TRAPPC9: variants seen among roughly 807,000 people sequenced by gnomAD.
TRAPPC9 encodes IKK2 binding protein.
TRAPPC9 carries 83 observed loss-of-function variants against 124.0 expected under a neutral mutation model. That is an observed-to-expected ratio of 0.67 (90% CI 0.56 to 0.80). The LOEUF (loss-of-function observed/expected upper bound fraction) is 0.80. Among genes scored for constraint, TRAPPC9 ranks in the 30% least tolerant of loss-of-function variants. The probability of loss-of-function intolerance (pLI) is 0.00; values close to 1 mark genes in which losing one functional copy is unlikely to be tolerated. For missense variants in TRAPPC9, 1,302 were observed against 1,508.3 expected (o/e 0.86, Z 2.27); for synonymous variants, 638 against 617.5 (o/e 1.03, Z -0.49).
At chr8:140,243,302 A>G (rs1371675324) in intron 16 of TRAPPC9, among the ~76,000 whole-genome samples, 2 of 152,240 alleles carry the variant, frequency 1.3e-5, no homozygotes, top group Non-Finnish European at 2.9e-5. Context: ...TTCCTCTACA[A>G]CGAAACAGAT....
chr8:139,948,931 G>C (rs368635538), intron 19 of TRAPPC9, among the ~76,000 whole-genome samples: 14 of 152,250 alleles, frequency 9.2e-5, no homozygotes, highest in African/African-American at 2.4e-4. Flanking sequence ...ACAAGAACTA[G>C]CTAGTGTGGT....
In TRAPPC9 at chr8:140,373,318, G is replaced by C. The variant is rs551707188; in HGVS notation, c.1135-2138C>G. On this transcript the variant is annotated intron_variant, in intron 7 of 22. Coordinates refer to ENST00000438773, the MANE Select transcript of TRAPPC9 (RefSeq NM_001160372.4). ...TTGACATAGAATCATGGGTGGAAGC[G>C]TATGAGGCAGGCTGTACTAGGTGAC... Among the ~76,000 whole-genome samples the C allele has an allele frequency of 2.6e-4, 40 of 152,328 alleles. No homozygotes were observed. The South Asian group carries it at 7.3e-3, about 28-fold the overall frequency.
chr8:139,865,880 G>A (rs1169223604), intron 21 of TRAPPC9, among the ~76,000 whole-genome samples: 1 of 152,232 alleles, frequency 6.6e-6, no homozygotes, highest in Non-Finnish European at 1.5e-5. Context: ...AGGAGGTCCT[G>A]AGAACATGTG....
chr8:140,214,521 T>C (rs2063144109), intron 17 of TRAPPC9, among the ~76,000 whole-genome samples: 1 of 152,242 alleles, frequency 6.6e-6, no homozygotes, highest in Admixed American at 6.5e-5. Context: ...GAAGTTCCAA[T>C]GAATTATTTC....
chr8:140,121,086 G>T (rs2130610792), intron 17 of TRAPPC9, among the ~76,000 whole-genome samples: 1 of 152,344 alleles, frequency 6.6e-6, no homozygotes, highest in East Asian at 1.9e-4. Context: ...CAAGATGTTG[G>T]GTTCTCTAAG....
intron 17 of TRAPPC9, among the ~76,000 whole-genome samples, chr8:140,184,868 C>T (rs1205330392): frequency 6.6e-6 from 1 of 152,218 alleles, no homozygotes; most frequent in Non-Finnish European, 1.5e-5. Context: ...GCGCCCACCA[C>T]CCTCTCCTGT....
intron 17 of TRAPPC9, among the ~76,000 whole-genome samples, chr8:140,067,201 T>C (rs1290323781): frequency 6.6e-6 from 1 of 152,174 alleles, no homozygotes; most frequent in East Asian, 1.9e-4. Context: ...TGGAGTGCAA[T>C]GGCGCAGTCT....
chr8:139,927,432 G>C (rs987449081), intron 19 of TRAPPC9, among the ~76,000 whole-genome samples: 3 of 152,104 alleles, frequency 2.0e-5, no homozygotes, highest in African/African-American at 7.2e-5. Flanking sequence ...TTTTAGTAGA[G>C]ATGAGTTCTC....
At position 139,973,413 on chromosome 8, in the gene TRAPPC9, G is replaced by T. The variant is rs936155091; in HGVS notation, c.2810+15313C>A. ...TCCAGTCCTGGATGAAAACCACAGG[G>T]CCGTGGCACCCACCCTGCCTTAGCC... On this transcript the variant is annotated intron_variant, in intron 19 of 22. Coordinates refer to ENST00000438773, the MANE Select transcript of TRAPPC9 (RefSeq NM_001160372.4). Among the ~76,000 whole-genome samples the T allele has an allele frequency of 8.6e-5, 13 of 151,612 alleles. No individual in the cohort carries two copies. The South Asian group carries it at 2.7e-3, about 32-fold the overall frequency.
In TRAPPC9 at chr8:139,909,187, T is replaced by C. The variant is rs190215180; in HGVS notation, c.2964+960A>G. ...CGTGTGTATCCCCATATCTGCAGAATGTGTGCATGACTGAGATCATTAACA... is the reference window on the plus strand; with the variant it reads ...CGTGTGTATCCCCATATCTGCAGAACGTGTGCATGACTGAGATCATTAACA... On this transcript the variant is annotated intron_variant, in intron 20 of 22. Coordinates refer to ENST00000438773, the MANE Select transcript of TRAPPC9 (RefSeq NM_001160372.4). 1.4e-4 allele frequency among the ~76,000 whole-genome samples: 21 copies of C among 152,250 alleles called. 1 individual carries two copies. The highest frequency in any genetic ancestry group is 2.4e-4 in the Non-Finnish European group (16 of 68,010).
At chr8:139,906,434 G>C (rs1289195721) in intron 20 of TRAPPC9, among the ~76,000 whole-genome samples, 1 of 152,230 alleles carries the variant, frequency 6.6e-6, no homozygotes, top group Non-Finnish European at 1.5e-5. Context: ...CAGCACTCTA[G>C]GAGGAGTGCC....
chr8:140,061,510 C>T (rs1477028591), intron 17 of TRAPPC9, among the ~76,000 whole-genome samples: 1 of 152,162 alleles, frequency 6.6e-6, no homozygotes, highest in Non-Finnish European at 1.5e-5. Flanking sequence ...AGTACAGAGC[C>T]ATGTCCGCTC....
At chr8:139,737,472 C>CCCCCCG (rs1554633742) in intron 21 of TRAPPC9, among the ~76,000 whole-genome samples, 1 of 118,988 alleles carries the variant, frequency 8.4e-6, no homozygotes, top group African/African-American at 3.0e-5. Flanking sequence ...GCCCTCCCCC[C>CCCCCCG]CCCCCCACGG....
At chr8:139,846,832 C>G (rs960658020) in intron 21 of TRAPPC9, among the ~76,000 whole-genome samples, 3 of 152,216 alleles carry the variant, frequency 2.0e-5, no homozygotes, top group African/African-American at 7.2e-5. Flanking sequence ...CCAGGGTGAG[C>G]AGGCGCAGGT....
intron 15 of TRAPPC9, among the ~76,000 whole-genome samples, chr8:140,269,433 C>T (rs1244020095): frequency 6.6e-6 from 1 of 151,822 alleles, no homozygotes; most frequent in Non-Finnish European, 1.5e-5. Flanking sequence ...CCCAGCTACT[C>T]GGGAGGCTGA....
intron 21 of TRAPPC9, among the ~76,000 whole-genome samples, chr8:139,794,032 C>G (rs1056137913): frequency 6.6e-6 from 1 of 152,114 alleles, no homozygotes; most frequent in African/African-American, 2.4e-5. Flanking sequence ...CCCTGCAGGT[C>G]TCTTGGGAGA....
chr8:140,338,173 C>T (rs577462186), intron 9 of TRAPPC9, among the ~76,000 whole-genome samples: 104 of 152,188 alleles, frequency 6.8e-4, no homozygotes, highest in African/African-American at 2.3e-3. Context: ...CTCAGATCAC[C>T]GAAGTGGACA....
chr8:139,786,694 A>G (rs79844427), intron 21 of TRAPPC9, among the ~76,000 whole-genome samples: 210 of 152,352 alleles, frequency 1.4e-3, no homozygotes, highest in African/African-American at 4.3e-3. Context: ...CAGAACTGTT[A>G]TGGTATATGC....
chr8:140,282,363 C>A (rs1441540614), intron 14 of TRAPPC9, among the ~76,000 whole-genome samples: 2 of 151,976 alleles, frequency 1.3e-5, no homozygotes, highest in African/African-American at 4.8e-5. Context: ...ATTAGCTGGG[C>A]GTGGTGGCGG....
Sources: gnomAD v4.1 joint callset for allele counts (sites outside exome capture counted in the v4.1 genomes callset) on GRCh38, gnomAD v4.1.1 for gene constraint, MANE v1.5 for transcripts, NCBI Gene and HGNC (gene_info 2026-07-23, HGNC 2026-07-21) for gene names.